Variants in PCBP2 observed in about 807,000 individuals in gnomAD.
PCBP2 encodes poly(rC) binding protein 2.
A neutral mutation model predicts 50.1 loss-of-function variants in PCBP2; 4 were observed. The observed-to-expected ratio is 0.08, with a 90% CI of 0.04 to 0.18. The LOEUF is 0.18. Among genes scored for constraint, PCBP2 ranks in the 10% least tolerant of loss-of-function variants. The pLI, the probability that PCBP2 is intolerant of heterozygous loss-of-function variation, is 1.00. For missense variants in PCBP2, 161 were observed against 474.3 expected, an observed-to-expected ratio of 0.34 and a Z score of 6.14; for synonymous variants, 179 against 168.0, an observed-to-expected ratio of 1.07 and a Z score of -0.51.
chr12:53,464,778 A>C lies in PCBP2; in HGVS notation c.598A>C (p.Ser200Arg). ...AGGQDRYSTG[S>R]DSASFPHTTP... ...TCCACAGGACAGGTACAGCACAGGC[A>C]GCGACAGTGCGAGCTTTCCCCACAC... The change falls in exon 9 of 15, where the codon AGC (serine) becomes CGC (arginine). Residue 200 changes from serine (S) to arginine (R), a missense_variant. By Grantham distance (110) the Ser-to-Arg change is moderately radical (BLOSUM62 -1). Transcript: ENST00000546463. 1 of 1,612,414 alleles carries C rather than the reference A, an allele frequency of 6.2e-7. No homozygotes were observed. Among genetic ancestry groups the C allele is most frequent in the Non-Finnish European group, 8.5e-7 (1 of 1,179,296 alleles).
At chr12:53,456,888 G>A (rs1419265805) in intron 5 of PCBP2, among the ~76,000 whole-genome samples, 1 of 152,022 alleles carries the variant, frequency 6.6e-6, no homozygotes, top group Admixed American at 6.6e-5. Context: ...TTCCTTGGTG[G>A]TTGGTACTTA....
intron 13 of PCBP2, among the ~76,000 whole-genome samples, chr12:53,471,042 AGTTG>A: frequency 6.6e-6 from 1 of 152,072 alleles, no homozygotes; most frequent in Non-Finnish European, 1.5e-5. Flanking sequence ...GACAGTTCTG[AGTTG>A]GCTCAGAACT....
chr12:53,472,110 C>G (rs1468168045), intron 14 of PCBP2, among the ~76,000 whole-genome samples: 1 of 152,044 alleles, frequency 6.6e-6, no homozygotes, highest in African/African-American at 2.4e-5. Flanking sequence ...CTCACAAAAT[C>G]AAATGTGGGT....
intron 5 of PCBP2, among the ~76,000 whole-genome samples, chr12:53,457,998 G>A (rs900266121): frequency 4.6e-5 from 7 of 151,610 alleles, no homozygotes; most frequent in Non-Finnish European, 7.4e-5. Context: ...GTGGGTTCCC[G>A]GCTCACCGTA....
At chr12:53,457,262 A>G (rs1222749496) in intron 5 of PCBP2, among the ~76,000 whole-genome samples, 1 of 152,186 alleles carries the variant, frequency 6.6e-6, no homozygotes, top group Non-Finnish European at 1.5e-5. Flanking sequence ...TATGTTTCCC[A>G]GGCTGGTCTC....
intron 6 of PCBP2, chr12:53,460,385 A>T (rs1941370103): frequency 2.5e-6 from 1 of 402,954 alleles, no homozygotes; most frequent in Non-Finnish European, 5.0e-6. Context: ...GCTTCCGATG[A>T]TTCGACTGCC....
intron 5 of PCBP2, among the ~76,000 whole-genome samples, chr12:53,457,075 C>T (rs1941083089): frequency 6.6e-6 from 1 of 151,602 alleles, no homozygotes; most frequent in Non-Finnish European, 1.5e-5. Flanking sequence ...TCTTTTGAGG[C>T]AGGGTTGTGC....
intron 6 of PCBP2, 156 bp from the exon 7 acceptor site, chr12:53,460,859 T>C: frequency 1.4e-6 from 1 of 717,404 alleles, no homozygotes; most frequent in Non-Finnish European, 2.3e-6. Context: ...TAAACAGTCC[T>C]ATCTGGAATA....
At chr12:53,460,722 A>G in intron 6 of PCBP2, 1 of 281,630 alleles carries the variant, frequency 3.6e-6, no homozygotes, top group East Asian at 9.0e-5. Flanking sequence ...CTTCGCCCAG[A>G]GAACTATCAT....
intron 11 of PCBP2, chr12:53,467,523 G>A: frequency 1.6e-6 from 1 of 624,114 alleles, no homozygotes. Flanking sequence ...AGGTTTGGGG[G>A]TGAGGTTTGG....
At chr12:53,455,837 T>C in intron 4 of PCBP2, 48 bp from the exon 5 acceptor site, 1 of 1,253,470 alleles carries the variant, frequency 8.0e-7, no homozygotes, top group South Asian at 1.2e-5. Context: ...CTGTACATAC[T>C]CAGATCTTCT....
At chr12:53,462,128 C>T (rs1941493622) in intron 7 of PCBP2, among the ~76,000 whole-genome samples, 1 of 152,096 alleles carries the variant, frequency 6.6e-6, no homozygotes, top group Non-Finnish European at 1.5e-5. Context: ...GCAGTTTTGA[C>T]CTTATTTCCT....
At chr12:53,468,533 G>T in intron 12 of PCBP2, 1 of 531,356 alleles carries the variant, frequency 1.9e-6, no homozygotes, top group African/African-American at 1.9e-5. Context: ...ATCCCTAATA[G>T]GCTGGGCTTT....
intron 14 of PCBP2, chr12:53,475,329 C>T: frequency 8.1e-6 from 3 of 368,966 alleles, no homozygotes; most frequent in South Asian, 6.0e-5. Context: ...CTTTTTACTA[C>T]TTTGGGGGAT....
chr12:53,478,271 G>GC (rs1484394129), intron 14 of PCBP2, among the ~76,000 whole-genome samples: 3 of 152,122 alleles, frequency 2.0e-5, no homozygotes, highest in Admixed American at 6.6e-5. Flanking sequence ...ACTTTGGGAG[G>GC]CCAAGACAAG....
At chr12:53,465,799 C>T in intron 9 of PCBP2, 133 bp from the exon 10 acceptor site, 1 of 694,004 alleles carries the variant, frequency 1.4e-6, no homozygotes, top group Non-Finnish European at 2.6e-6. Flanking sequence ...ATTCCATCTA[C>T]TGCCTCAATC....
Position 53,452,312 on chromosome 12 carries a change from C to T in PCBP2, c.-140C>T. Reference sequence around the variant, plus strand: ...CCCGCCCGCCCCTATTGTTCCGCCCCCGGCCTCCCGCCCTTCCCCTTCCCG... The same window carrying T: ...CCCGCCCGCCCCTATTGTTCCGCCCTCGGCCTCCCGCCCTTCCCCTTCCCG... On this transcript the variant is annotated 5_prime_UTR_variant, in exon 1 of 15. Transcript: ENST00000546463. The T allele has an allele frequency of 7.2e-6, 1 of 138,006 alleles. No homozygotes were observed. Among genetic ancestry groups the T allele is most frequent in the Non-Finnish European group, 1.6e-5 (1 of 62,988 alleles). The allele number at this position is 138,006 out of a possible 1,614,324, so 8.5% of individuals were successfully genotyped here.
Position 53,459,268 on chromosome 12 carries a change from G to C in PCBP2, c.244-4G>C. 6.3e-7 allele frequency: 1 copy of C among 1,596,130 alleles called. No homozygotes were observed. The stretch of plus-strand genomic sequence containing the variant: ...GCTTATTGTGGTGTTCTTTCTTTCT[G>C]TAGGACATAAGCAGCTCTATGACCA... On this transcript the variant is annotated splice_polypyrimidine_tract_variant and splice_region_variant and intron_variant, in intron 5 of 14. Coordinates refer to ENST00000546463, the MANE Select transcript of PCBP2 (RefSeq NM_031989.5).
In PCBP2 at chr12:53,453,802, T is replaced by G. The variant is rs574606642; in HGVS notation, c.-75-924T>G. On this transcript the variant is annotated intron_variant, in intron 1 of 14. Transcript: ENST00000546463. ...AACAAATTTTCTTTCTACACATAAC[T>G]AGTTACTCTAAAGCAGAAATGTTAG... is the stretch of plus-strand genomic sequence containing the variant. 3.3e-5 allele frequency among the ~76,000 whole-genome samples: 5 copies of G among 152,276 alleles called. No individual in the cohort carries two copies. In the South Asian group the frequency reaches 1.0e-3, roughly 32 times the overall value.
Sources: allele counts gnomAD v4.1 joint callset (sites outside exome capture counted in the v4.1 genomes callset), GRCh38; gene constraint gnomAD v4.1.1; transcripts MANE v1.5; gene names NCBI Gene and HGNC (gene_info 2026-07-23, HGNC 2026-07-21).